The following EYS variants were observed in gnomAD, a reference collection of about 807,000 sequenced individuals.
EYS encodes the protein EGF-like photoreceptor maintenance factor, also known as protein eyes shut homolog.
A neutral mutation model predicts 282.1 loss-of-function variants in EYS; 250 were observed. The ratio of observed to expected loss-of-function variants is 0.89; its 90% CI spans 0.80 to 0.98. The LOEUF (loss-of-function observed/expected upper bound fraction) is 0.98, where lower values mean the gene tolerates loss of function less well. Among genes scored for constraint, EYS ranks in the 50% least tolerant of loss-of-function variants. EYS has a pLI of 0.00. For synonymous variants in EYS, 1,355 were observed against 1,282.9 expected (o/e 1.06, Z -1.20); for missense variants, 4,016 against 3,709.0 (o/e 1.08, Z -2.15).
intron 19 of EYS, among the ~76,000 whole-genome samples, chr6:64,884,049 C>T (rs757642574): frequency 4.0e-5 from 6 of 151,526 alleles, no homozygotes; most frequent in African/African-American, 7.2e-5. Context: ...GAAGAAGTAT[C>T]GAGTTAATCA....
At chr6:64,406,408 A>G (rs992083333) in intron 28 of EYS, among the ~76,000 whole-genome samples, 5 of 152,198 alleles carry the variant, frequency 3.3e-5, no homozygotes, top group African/African-American at 1.2e-4. Flanking sequence ...ATGGGCAAAG[A>G]CTTCATGACT....
At chr6:64,154,527 T>C (rs940786292) in intron 31 of EYS, among the ~76,000 whole-genome samples, 2 of 149,786 alleles carry the variant, frequency 1.3e-5, no homozygotes, top group Admixed American at 6.7e-5. Flanking sequence ...TTAAAGTAAA[T>C]ATAGCAAAAT....
chr6:65,705,727 A>C (rs1387797), intron 1 of EYS, among the ~76,000 whole-genome samples: 43,954 of 152,008 alleles, frequency 0.29, 7,107 homozygotes, highest in African/African-American at 0.44. Context: ...GAGTATAGTC[A>C]GGATTAAATC....
chr6:63,730,858 A>G (rs1280891890), intron 41 of EYS, among the ~76,000 whole-genome samples: 1 of 152,120 alleles, frequency 6.6e-6, no homozygotes, highest in Non-Finnish European at 1.5e-5. Context: ...CGTCTCTACT[A>G]AAAATACAAA....
In EYS at chr6:65,321,146, C is replaced by CTT. The variant is rs67687880; in HGVS notation, c.1766+13832_1766+13833dup. Among the ~76,000 whole-genome samples, 153 of 133,496 alleles carry CTT rather than the reference C, an allele frequency of 1.1e-3. 2 individuals are homozygous for CTT. Among genetic ancestry groups the CTT allele is most frequent in the African/African-American group, 3.0e-3 (107 of 35,626 alleles). 87.6% of individuals were successfully genotyped at this position (133,496 alleles called of 152,430 possible). A position where few individuals can be genotyped will look rare whatever the true frequency, so the allele number is the denominator to read the frequency against. On this transcript the variant is annotated intron_variant, in intron 11 of 42. Transcript: ENST00000503581. ...TAAAACTAGTAGAGAGTATGAAAGC[C>CTT]TTTTTTTTTTTTTTTTTGGCAGATG...
intron 29 of EYS, among the ~76,000 whole-genome samples, chr6:64,363,263 T>C (rs117278915): frequency 6.6e-6 from 1 of 151,974 alleles, no homozygotes; most frequent in African/African-American, 2.4e-5. Context: ...TACATTTTTT[T>C]ATTTTATAAA....
At chr6:64,478,543 A>T (rs1776344284) in intron 26 of EYS, among the ~76,000 whole-genome samples, 1 of 151,242 alleles carries the variant, frequency 6.6e-6, no homozygotes, top group South Asian at 2.1e-4. Context: ...CATTTTTTTA[A>T]CTTCTATTTT....
At chr6:64,963,837 A>G (rs1435472319) in intron 14 of EYS, among the ~76,000 whole-genome samples, 5 of 152,188 alleles carry the variant, frequency 3.3e-5, no homozygotes, top group African/African-American at 1.2e-4. Flanking sequence ...AACATACAGC[A>G]CATATATAAA....
At chr6:65,251,253 T>C (rs1481644297) in intron 12 of EYS, among the ~76,000 whole-genome samples, 2 of 151,594 alleles carry the variant, frequency 1.3e-5, no homozygotes, top group African/African-American at 2.4e-5. Flanking sequence ...TAGCATCAAT[T>C]TTATAAAATA....
intron 12 of EYS, among the ~76,000 whole-genome samples, chr6:65,280,078 A>G (rs577672470): frequency 7.2e-4 from 110 of 152,280 alleles, no homozygotes; most frequent in African/African-American, 2.6e-3. Flanking sequence ...GTACTGGATA[A>G]AAGAAGTAGA....
intron 2 of EYS, among the ~76,000 whole-genome samples, chr6:65,531,333 A>G (rs1381944402): frequency 1.3e-5 from 2 of 152,214 alleles, no homozygotes; most frequent in Non-Finnish European, 2.9e-5. Context: ...CATGAGTTAT[A>G]AAGAAAACGC....
chr6:64,901,602 T>A (rs1250554380), intron 18 of EYS, among the ~76,000 whole-genome samples: 1 of 152,106 alleles, frequency 6.6e-6, no homozygotes, highest in African/African-American at 2.4e-5. Flanking sequence ...CTTCTATGTA[T>A]GTAACCTCGG....
chr6:65,215,414 G>A (rs1364203463), intron 12 of EYS, among the ~76,000 whole-genome samples: 1 of 152,208 alleles, frequency 6.6e-6, no homozygotes, highest in African/African-American at 2.4e-5. Context: ...AGGGCCTAAA[G>A]ATGCGATTGA....
chr6:64,169,922 C>G (rs373981013), intron 31 of EYS, among the ~76,000 whole-genome samples: 1 of 152,242 alleles, frequency 6.6e-6, no homozygotes, highest in East Asian at 1.9e-4. Context: ...AATGCAGAAG[C>G]TGAAGATTAA....
chr6:65,139,994 G>T (rs1425802201), intron 12 of EYS, among the ~76,000 whole-genome samples: 1 of 151,902 alleles, frequency 6.6e-6, no homozygotes, highest in Non-Finnish European at 1.5e-5. Context: ...AAATGTCCAG[G>T]ATAGAAAACT....
chr6:64,038,840 T>G (rs1356362949), intron 33 of EYS, among the ~76,000 whole-genome samples: 1 of 152,026 alleles, frequency 6.6e-6, no homozygotes, highest in Non-Finnish European at 1.5e-5. Context: ...AGTCTCGCTC[T>G]GTAGCCCGGG....
chr6:63,749,795 C>A (rs1214640007), intron 41 of EYS, among the ~76,000 whole-genome samples: 1 of 152,144 alleles, frequency 6.6e-6, no homozygotes, highest in Non-Finnish European at 1.5e-5. Flanking sequence ...TGCATAGTAG[C>A]CCCCTCCAGG....
chr6:64,686,775 A>ATGTGTGTG lies in EYS; in HGVS notation c.3444-60531_3444-60530insCACACACA, dbSNP rs1562133718. Reference sequence around the variant, plus strand: ...TATATATATATATGTGTGTATATATATATATATATATATGTGTGTATATAT... The same window carrying ATGTGTGTG: ...TATATATATATATGTGTGTATATATATGTGTGTGTATATATATATATGTGTGTATATAT... On this transcript the variant is annotated intron_variant, in intron 22 of 42. Coordinates refer to ENST00000503581, the MANE Select transcript of EYS (RefSeq NM_001142800.2). Among the ~76,000 whole-genome samples the ATGTGTGTG allele has an allele frequency of 1.6e-3, 11 of 7,058 alleles. 1 individual carries two copies. The Non-Finnish European group carries it at 0.026, about 17-fold the overall frequency. The allele number at this position is 7,058 out of a possible 152,430, so 4.6% of individuals were successfully genotyped here.
chr6:64,017,177 G>T (rs1034461694), intron 33 of EYS, among the ~76,000 whole-genome samples: 1 of 151,972 alleles, frequency 6.6e-6, no homozygotes, highest in Non-Finnish European at 1.5e-5. Flanking sequence ...TCTGGACCTT[G>T]TTAATAGCAA....
Sources: allele counts gnomAD v4.1 joint callset (sites outside exome capture counted in the v4.1 genomes callset), GRCh38; gene constraint gnomAD v4.1.1; transcripts MANE v1.5; gene names NCBI Gene and HGNC (gene_info 2026-07-23, HGNC 2026-07-21).